The following BTLA variants were observed in gnomAD, a reference collection of about 807,000 sequenced individuals.
BTLA encodes the protein B- and T-lymphocyte attenuator.
BTLA carries 11 observed loss-of-function variants against 25.0 expected under a neutral mutation model. That is an observed-to-expected ratio of 0.44 (90% CI 0.28 to 0.73). BTLA has a LOEUF of 0.73. BTLA is among the 30% of genes least tolerant of loss of function. The probability of loss-of-function intolerance (pLI) is 0.15; values close to 1 mark genes in which losing one functional copy is unlikely to be tolerated. For missense variants in BTLA, 282 were observed against 332.8 expected (o/e 0.85, Z 1.19); for synonymous variants, 104 against 119.8 (o/e 0.87, Z 0.86).
chr3:112,499,512 A>T (rs946322868), upstream of BTLA: 1 of 572,348 alleles, frequency 1.7e-6, no homozygotes, highest in African/African-American at 1.9e-5. Flanking sequence ...GTAAGAGAGG[A>T]GAGTAGGAAG....
At chr3:112,482,014 G>A (rs1176926185) in intron 1 of BTLA, among the ~76,000 whole-genome samples, 1 of 152,194 alleles carries the variant, frequency 6.6e-6, no homozygotes, top group Non-Finnish European at 1.5e-5. Context: ...TGTATGACAA[G>A]AATGGCCTTT....
chr3:112,479,815 G>A, intron 1 of BTLA, 46 bp from the exon 2 acceptor site: 1 of 1,447,238 alleles, frequency 6.9e-7, no homozygotes, highest in Non-Finnish European at 9.4e-7. Context: ...TCTTCTGGAA[G>A]TACCATATAT....
intron 1 of BTLA, among the ~76,000 whole-genome samples, chr3:112,482,916 G>C (rs899220096): frequency 2.6e-5 from 4 of 152,128 alleles, no homozygotes; most frequent in Admixed American, 1.3e-4. Flanking sequence ...TGAAACTCTT[G>C]TTTCCAGAAG....
chr3:112,470,156 G>T, intron 3 of BTLA: 1 of 168,992 alleles, frequency 5.9e-6, no homozygotes, highest in Non-Finnish European at 1.3e-5. Context: ...CTACTACCTA[G>T]TTCACTTTGG....
chr3:112,487,799 T>G (rs977766020), intron 1 of BTLA, among the ~76,000 whole-genome samples: 4 of 152,166 alleles, frequency 2.6e-5, no homozygotes, highest in Non-Finnish European at 4.4e-5. Flanking sequence ...TGATATAATC[T>G]CTCAGAGCTT....
At chr3:112,499,472 TAAAA>T (rs71631393), upstream of BTLA, 26 of 413,956 alleles carry the variant, frequency 6.3e-5, no homozygotes, top group Middle Eastern at 6.2e-4. Flanking sequence ...GTGAAATAAC[TAAAA>T]AAAAAAAAAA....
chr3:112,479,352 A>G (rs1014774806), intron 2 of BTLA, 103 bp downstream of exon 2: 4 of 1,065,262 alleles, frequency 3.8e-6, no homozygotes, highest in African/African-American at 1.6e-5. Flanking sequence ...CAGATGTGCT[A>G]TAGGAGTTGG....
chr3:112,480,784 CA>C (rs1016218470), intron 1 of BTLA, among the ~76,000 whole-genome samples: 5 of 152,124 alleles, frequency 3.3e-5, no homozygotes, highest in Non-Finnish European at 7.4e-5. Context: ...GCATTCAAAC[CA>C]TAGCATTCTG....
At chr3:112,498,878 A>AG in intron 1 of BTLA, among the ~76,000 whole-genome samples, 1 of 152,174 alleles carries the variant, frequency 6.6e-6, no homozygotes, top group Non-Finnish European at 1.5e-5. Flanking sequence ...TACCCAACTG[A>AG]GCACTGCAGC....
chr3:112,492,798 T>A (rs527434276), intron 1 of BTLA, among the ~76,000 whole-genome samples: 1 of 152,342 alleles, frequency 6.6e-6, no homozygotes, highest in South Asian at 2.1e-4. Context: ...CCAGCCTCCC[T>A]TGTAGCCAAA....
rs114659008 is a variant in BTLA at position 112,497,727 on chromosome 3, T to C, written c.88+1544A>G. On this transcript the variant is annotated intron_variant, in intron 1 of 4. Coordinates refer to ENST00000334529, the MANE Select transcript of BTLA (RefSeq NM_181780.4). The stretch of plus-strand genomic sequence containing the variant: ...AGGACTTTTTTACTTTGCACTTGGT[T>C]GTGTGGCATCCTGGCATCATAGAGA... Among the ~76,000 whole-genome samples the C allele has an allele frequency of 3.9e-3, 595 of 152,168 alleles. 4 individuals are homozygous for C. The highest frequency in any genetic ancestry group is 0.014 in the African/African-American group (570 of 41,514).
Position 112,464,013 on chromosome 3 carries a change from T to A in BTLA, c.*2095A>T. On this transcript the variant is annotated 3_prime_UTR_variant, in exon 5 of 5. Transcript: ENST00000334529. ...AACTTTACCTTCTCATTGAGCACAATCACAAGCTTAAAATTTGTGAAAAAC... is the reference window on the plus strand; with the variant it reads ...AACTTTACCTTCTCATTGAGCACAAACACAAGCTTAAAATTTGTGAAAAAC... The A allele has an allele frequency of 2.6e-6, 1 of 390,002 alleles. No individual in the cohort carries two copies. The highest frequency in any genetic ancestry group is 4.5e-6 in the Non-Finnish European group (1 of 220,676). 24.2% of individuals were successfully genotyped at this position (390,002 alleles called of 1,614,324 possible).
chr3:112,479,947 T>C (rs530037661), intron 1 of BTLA, among the ~76,000 whole-genome samples, 178 bp from the exon 2 acceptor site: 1 of 152,320 alleles, frequency 6.6e-6, no homozygotes, highest in South Asian at 2.1e-4. Context: ...TAAATATGTT[T>C]AAAAAATGAA....
In BTLA at chr3:112,466,110, A is replaced by C; in HGVS notation, c.868T>G (p.Ter290GluextTer4). Residue 290 changes from the stop codon to glutamate, a stop_lost, in exon 5 of 5, where the codon TAA becomes GAA. Transcript: ENST00000334529. ...CCCTGTTGGAGTCAGAAACAGACTT[A>C]ACTCCTCACACATATGGATGCATAT... The part of the protein sequence containing the change: ...TEYASICVRS[*>E] 1 of 1,584,764 alleles carries C rather than the reference A, an allele frequency of 6.3e-7. No homozygotes were observed. The highest frequency in any genetic ancestry group is 1.3e-5 in the African/African-American group (1 of 74,694).
At position 112,465,079 on chromosome 3, in the gene BTLA, T is replaced by TA. The variant is rs1191732654; in HGVS notation, c.*1028dup. The TA allele has an allele frequency of 6.6e-6, 1 of 152,240 alleles. No individual in the cohort carries two copies. Among genetic ancestry groups the TA allele is most frequent in the Non-Finnish European group, 1.5e-5 (1 of 68,040 alleles). 9.4% of individuals were successfully genotyped at this position (152,240 alleles called of 1,614,324 possible). Reference sequence around the variant, plus strand: ...TGGCTGCAACCTCAGTATTTTAAAATAAATGATTAGCAAACTAAAATATGT... The same window carrying TA: ...TGGCTGCAACCTCAGTATTTTAAAATAAAATGATTAGCAAACTAAAATATGT... On this transcript the variant is annotated 3_prime_UTR_variant, in exon 5 of 5. Coordinates refer to ENST00000334529, the MANE Select transcript of BTLA (RefSeq NM_181780.4).
At chr3:112,476,461 G>A (rs1480249213) in intron 2 of BTLA, among the ~76,000 whole-genome samples, 2 of 152,214 alleles carry the variant, frequency 1.3e-5, no homozygotes, top group Admixed American at 1.3e-4. Context: ...AAGATCAGTT[G>A]TAAAATGTAT....
At position 112,468,331 on chromosome 3, in the gene BTLA, T is replaced by A. The variant is rs370599089; in HGVS notation, c.594+1427A>T. On this transcript the variant is annotated intron_variant, in intron 4 of 4. Coordinates refer to ENST00000334529, the MANE Select transcript of BTLA (RefSeq NM_181780.4). ...TACATTTGTACCAGTTCCTTTCCTG[T>A]CATGTTTATACCAGTTCCTTTCTGT... Among the ~76,000 whole-genome samples, 84 of 152,324 alleles carry A rather than the reference T, an allele frequency of 5.5e-4. No homozygotes were observed. The South Asian group carries it at 8.9e-3, about 16-fold the overall frequency.
At chr3:112,475,263 A>G (rs181713846) in intron 2 of BTLA, among the ~76,000 whole-genome samples, 3 of 152,204 alleles carry the variant, frequency 2.0e-5, no homozygotes, top group African/African-American at 7.2e-5. Flanking sequence ...GATAGGAAGG[A>G]TAGGTGAGTA....
chr3:112,486,267 G>T (rs534249023), intron 1 of BTLA, among the ~76,000 whole-genome samples: 1 of 152,030 alleles, frequency 6.6e-6, no homozygotes, highest in Non-Finnish European at 1.5e-5. Context: ...TATATTCCAC[G>T]ATCAGGTGGT....
Sources: gnomAD v4.1 joint callset for allele counts (sites outside exome capture counted in the v4.1 genomes callset) on GRCh38, gnomAD v4.1.1 for gene constraint, MANE v1.5 for transcripts, NCBI Gene and HGNC (gene_info 2026-07-23, HGNC 2026-07-21) for gene names.